The following SHBG variants were observed in gnomAD, a reference collection of about 807,000 sequenced individuals.
SHBG encodes sex hormone-binding globulin.
In SHBG, 37 loss-of-function variants were observed where a neutral mutation model predicts 41.9. The ratio of observed to expected loss-of-function variants is 0.88; its 90% CI spans 0.68 to 1.16. The LOEUF (loss-of-function observed/expected upper bound fraction) is 1.16. Among genes scored for constraint, SHBG ranks in the 50% most tolerant of loss-of-function variants. The pLI is 0.00. For missense variants in SHBG, 466 were observed against 499.9 expected, an observed-to-expected ratio of 0.93 and a Z score of 0.65; for synonymous variants, 217 against 205.8, an observed-to-expected ratio of 1.05 and a Z score of -0.47.
chr17:7,615,245 C>G (rs1361165513), intron 1 of SHBG, among the ~76,000 whole-genome samples: 1 of 152,172 alleles, frequency 6.6e-6, no homozygotes, highest in Non-Finnish European at 1.5e-5. Context: ...CGCCGCTGGC[C>G]CCACCGGGCT....
chr17:7,626,739 A>C, upstream of SHBG: 1 of 1,613,910 alleles, frequency 6.2e-7, no homozygotes, highest in Non-Finnish European at 8.5e-7. Flanking sequence ...TTGTCGCCCC[A>C]CCCATCTCCT....
chr17:7,630,118 C>T (rs2072348762), upstream of SHBG: 4 of 1,448,746 alleles, frequency 2.8e-6, no homozygotes, highest in Admixed American at 3.3e-5. The surrounding 1 kb of genome is among the most constrained non-coding windows in gnomAD (Gnocchi z 4.6). Flanking sequence ...AGGCTGCCTG[C>T]CTCTACACAT....
intron 1 of SHBG, among the ~76,000 whole-genome samples, chr17:7,622,526 G>A (rs964030156): frequency 2.0e-5 from 3 of 151,880 alleles, no homozygotes; most frequent in African/African-American, 7.3e-5. Context: ...GCCCACCTTG[G>A]CCTCCCAAAG....
At position 7,630,890 on chromosome 17, in the gene SHBG, AG is replaced by A. The variant is rs767234282; in HGVS notation, c.393+25del. 148 of 1,607,176 alleles carry A rather than the reference AG, an allele frequency of 9.2e-5. No homozygotes were observed. The highest frequency in any genetic ancestry group is 1.1e-4 in the Non-Finnish European group (131 of 1,176,336). ...ACCAGGTAAGCTAGCTCTGGTCCTC[AG>A]GGGAGGGATGTCTGGAGCTGGTCTG... On this transcript the variant is annotated intron_variant, in intron 3 of 7. Transcript: ENST00000380450. The surrounding 1 kb of genome is among the most constrained non-coding windows in gnomAD (Gnocchi z 4.6).
At chr17:7,629,498 G>C (rs1432377856), upstream of SHBG, among the ~76,000 whole-genome samples, 1 of 152,150 alleles carries the variant, frequency 6.6e-6, no homozygotes, top group Admixed American at 6.6e-5. Flanking sequence ...TGAGAGGCGG[G>C]GGGCAGGTCC....
In SHBG at chr17:7,630,476, G is replaced by A; in HGVS notation, c.172G>A (p.Val58Ile). 6.2e-7 allele frequency: 1 copy of A among 1,614,158 alleles called. No homozygotes were observed. Reference protein sequence around the residue: ...SNGPGQEPIAVMTFDLTKITK... With the variant: ...SNGPGQEPIAIMTFDLTKITK... Reference sequence around the variant, plus strand: ...TGGCCCAGGACAAGAGCCTATCGCTGTCATGACCTTTGACCTCACCAAGAT... The same window carrying A: ...TGGCCCAGGACAAGAGCCTATCGCTATCATGACCTTTGACCTCACCAAGAT... The change falls in exon 2 of 8, where the codon GTC becomes ATC. Residue 58 changes from valine to isoleucine, a missense_variant. Physicochemically the swap from Val to Ile is conservative, Grantham distance 29. Coordinates refer to ENST00000380450, the MANE Select transcript of SHBG (RefSeq NM_001040.5). This position sits in a 1 kb window ranked among gnomAD's most constrained non-coding sequence, Gnocchi z 4.6.
In SHBG at chr17:7,632,960, G is replaced by T; in HGVS notation, c.1060+1G>T. On this transcript the variant is annotated splice_donor_variant, in intron 7 of 7. Transcript: ENST00000380450. LOFTEE classifies it high-confidence loss of function. ...CGTCTCTTCCTGGGGGCTTTACCAG[G>T]TAAGAGAGAATGATGTTCAAGTTCA... 1 of 1,612,886 alleles carries T rather than the reference G, an allele frequency of 6.2e-7. No homozygotes were observed. The highest frequency in any genetic ancestry group is 8.5e-7 in the Non-Finnish European group (1 of 1,179,042).
upstream of SHBG, among the ~76,000 whole-genome samples, chr17:7,629,678 C>G (rs989449030): frequency 6.6e-6 from 1 of 152,142 alleles, no homozygotes; most frequent in Admixed American, 6.6e-5. Flanking sequence ...TTATTTTCCT[C>G]ATTTTACAGA....
intron 1 of SHBG, chr17:7,614,238 T>A (rs981177158): frequency 1.3e-5 from 9 of 686,526 alleles, no homozygotes; most frequent in Admixed American, 6.1e-5. Flanking sequence ...GAGATGGGGG[T>A]AGAAGCAGGT....
At chr17:7,623,166 G>A (rs1375013251), upstream of SHBG, among the ~76,000 whole-genome samples, 1 of 152,206 alleles carries the variant, frequency 6.6e-6, no homozygotes, top group African/African-American at 2.4e-5. Context: ...GCCGAGGTGG[G>A]CAGATCACCT....
chr17:7,632,846 T>C lies in SHBG; in HGVS notation c.947T>C (p.Val316Ala). 6.2e-7 allele frequency: 1 copy of C among 1,614,152 alleles called. No individual in the cohort carries two copies. The highest frequency in any genetic ancestry group is 8.5e-7 in the Non-Finnish European group (1 of 1,180,022). ...CTGAAGCTGAGTATGTCCAGGGTGG[T>C]CTTGAGCCAAGGGTCGAAGATGAAG... ...LQLKLSMSRV[V>A]LSQGSKMKAL... is the part of the protein sequence containing the mutation. The change falls in exon 7 of 8, where the codon GTC becomes GCC. Residue 316 changes from valine to alanine, a missense_variant. Physicochemically the swap from Val to Ala is moderately conservative, Grantham distance 64. Coordinates refer to ENST00000380450, the MANE Select transcript of SHBG (RefSeq NM_001040.5).
upstream of SHBG, chr17:7,627,993 C>T (rs900482755): frequency 2.0e-6 from 1 of 502,204 alleles, no homozygotes; most frequent in East Asian, 5.6e-5. This position sits in a 1 kb window ranked among gnomAD's most constrained non-coding sequence, Gnocchi z 4.8. Flanking sequence ...GGGTAGAGTT[C>T]AAGGTTGGAG....
At position 7,630,354 on chromosome 17, in the gene SHBG, T is replaced by C. The variant is rs1597917462; in HGVS notation, c.112-62T>C. On this transcript the variant is annotated intron_variant, in intron 1 of 7. Coordinates refer to ENST00000380450, the MANE Select transcript of SHBG (RefSeq NM_001040.5). This position sits in a 1 kb window ranked among gnomAD's most constrained non-coding sequence, Gnocchi z 4.6. ...TCTCCTCTGGCCCTGTAGCAGGGCC[T>C]CTCCCTCTGTCTGTCTCTGACATGT... is the stretch of plus-strand genomic sequence containing the variant. 1 of 1,578,196 alleles carries C rather than the reference T, an allele frequency of 6.3e-7. No homozygotes were observed.
intron 1 of SHBG, among the ~76,000 whole-genome samples, chr17:7,621,537 G>T (rs1597898541): frequency 7.6e-6 from 1 of 131,016 alleles, no homozygotes; most frequent in East Asian, 2.2e-4. Flanking sequence ...GGAGGCAGAG[G>T]TTGCAGTGAG....
At chr17:7,614,160 A>G in intron 1 of SHBG, 1 of 631,936 alleles carries the variant, frequency 1.6e-6, no homozygotes, top group Admixed American at 2.1e-5. Context: ...AGCTGGGTAA[A>G]GGGGTCTCTC....
upstream of SHBG, among the ~76,000 whole-genome samples, chr17:7,624,943 CTTTTTTTTT>C (rs907499817): frequency 1.1e-5 from 1 of 93,722 alleles, no homozygotes. Flanking sequence ...CAGGCGTGAG[CTTTTTTTTT>C]TTTTTTTTTT....
chr17:7,614,523 G>A (rs974541378), intron 1 of SHBG: 14 of 1,491,564 alleles, frequency 9.4e-6, no homozygotes, highest in Non-Finnish European at 8.9e-6. Context: ...CCAGAGGCCA[G>A]GCCGCCCATG....
At chr17:7,631,509 A>G (rs1427593830) in intron 4 of SHBG, 80 bp from the exon 5 acceptor site, 1 of 1,574,516 alleles carries the variant, frequency 6.4e-7, no homozygotes, top group Non-Finnish European at 8.7e-7. Context: ...AGGGGAGTCA[A>G]CTGAGGGCAG....
Position 7,630,224 on chromosome 17 carries a change from T to C in SHBG, c.52T>C (p.Leu18=), listed in dbSNP as rs1597917002. 6.2e-7 allele frequency: 1 copy of C among 1,612,874 alleles called. No individual in the cohort carries two copies. Residue 18 remains leucine (L), a synonymous_variant, in exon 1 of 8, where the codon TTG becomes CTG. Coordinates refer to ENST00000380450, the MANE Select transcript of SHBG (RefSeq NM_001040.5). This position sits in a 1 kb window ranked among gnomAD's most constrained non-coding sequence, Gnocchi z 4.6. ...CTCGCGCCTGCTGCTGTTGCTGCTG[T>C]TGCTACTACTGCGTCACACCCGCCA... The part of the protein sequence containing the change: ...ATSRLLLLLL[L]LLLRHTRQGW...
Sources: gnomAD v4.1 joint callset for allele counts (sites outside exome capture counted in the v4.1 genomes callset) on GRCh38, gnomAD v4.1.1 for gene constraint, Gnocchi (gnomAD v3.1) non-coding constraint, MANE v1.5 for transcripts, NCBI Gene and HGNC (gene_info 2026-07-23, HGNC 2026-07-21) for gene names.